Variants in SLC14A2 observed in about 807,000 individuals in gnomAD.
SLC14A2 encodes solute carrier family 14 member 2, also known as urea transporter 2.
In SLC14A2, 91 loss-of-function variants were observed where a neutral mutation model predicts 104.6. The observed-to-expected ratio is 0.87, with a 90% CI of 0.73 to 1.04. SLC14A2 has a LOEUF of 1.04. Among genes scored for constraint, SLC14A2 ranks in the 50% least tolerant of loss-of-function variants. The pLI is 0.00. For synonymous variants in SLC14A2, 476 were observed against 466.4 expected (o/e 1.02, Z -0.27); for missense variants, 1,189 against 1,156.0 (o/e 1.03, Z -0.41).
At chr18:45,376,214 C>T (rs932953973) in intron 1 of SLC14A2, among the ~76,000 whole-genome samples, 3 of 152,270 alleles carry the variant, frequency 2.0e-5, no homozygotes, top group Admixed American at 6.5e-5. Context: ...TTGTGCACGC[C>T]GCCACTTTAC....
At chr18:45,248,290 T>A (rs1346131859) in intron 1 of SLC14A2, among the ~76,000 whole-genome samples, 1 of 152,118 alleles carries the variant, frequency 6.6e-6, no homozygotes, top group African/African-American at 2.4e-5. Context: ...CATTTTATCG[T>A]CCCATAGCAA....
intron 2 of SLC14A2, among the ~76,000 whole-genome samples, chr18:45,508,965 C>T (rs1326665194): frequency 6.6e-6 from 1 of 152,116 alleles, no homozygotes; most frequent in Non-Finnish European, 1.5e-5. Context: ...ATGCCAGCAT[C>T]CCCCAAACCT....
rs1242904317 is a variant in SLC14A2 at position 45,575,820 on chromosome 18, C to CTTG, written c.-34-48807_-34-48805dup. ...TTTTTTTTTCTTCCCACTTTTTTTT[C>CTTG]TTGTTGGCCATGCTGGGCTCTGAAT... On this transcript the variant is annotated intron_variant, in intron 2 of 20. Coordinates refer to the SLC14A2 transcript ENST00000586448. Among the ~76,000 whole-genome samples, 5 of 103,568 alleles carry CTTG rather than the reference C, an allele frequency of 4.8e-5. No individual in the cohort carries two copies. In the East Asian group the frequency reaches 1.3e-3, roughly 28 times the overall value. The allele number at this position is 103,568 out of a possible 152,430, so 67.9% of individuals were successfully genotyped here. A position where few individuals can be genotyped will look rare whatever the true frequency, so the allele number is the denominator to read the frequency against.
intron 10 of SLC14A2, among the ~76,000 whole-genome samples, chr18:45,660,790 A>C (rs1023762469): frequency 1.3e-5 from 2 of 152,226 alleles, no homozygotes; most frequent in African/African-American, 4.8e-5. Flanking sequence ...ATCTTCTTGA[A>C]AGTGTCTTTA....
intron 2 of SLC14A2, among the ~76,000 whole-genome samples, chr18:45,555,892 C>A (rs1039911116): frequency 2.6e-5 from 4 of 152,208 alleles, no homozygotes; most frequent in African/African-American, 9.6e-5. Flanking sequence ...ACTGCCTGCC[C>A]AATTCCACAT....
intron 1 of SLC14A2, among the ~76,000 whole-genome samples, chr18:45,317,566 G>A (rs1215990568): frequency 6.6e-6 from 1 of 152,206 alleles, no homozygotes; most frequent in East Asian, 1.9e-4. Context: ...TTTTAGCTAA[G>A]ATTTGAAAGA....
intron 2 of SLC14A2, among the ~76,000 whole-genome samples, chr18:45,606,566 T>C (rs1033495657): frequency 6.6e-6 from 1 of 152,046 alleles, no homozygotes; most frequent in African/African-American, 2.4e-5. Context: ...CTGTAGTTAC[T>C]GCTTCTCAAA....
At chr18:45,182,220 T>C in the SLC14A2 span, among the ~76,000 whole-genome samples, 1 of 151,904 alleles carries the variant, frequency 6.6e-6, no homozygotes, top group Non-Finnish European at 1.5e-5. Context: ...CTTTTAAAAA[T>C]AATATTTGGT....
chr18:45,680,073 G>A (rs2046289651), intron 19 of SLC14A2, among the ~76,000 whole-genome samples: 2 of 152,320 alleles, frequency 1.3e-5, no homozygotes, highest in South Asian at 4.1e-4. Flanking sequence ...CTCTATGACA[G>A]GGTGTTTTAG....
intron 1 of SLC14A2, among the ~76,000 whole-genome samples, chr18:45,218,876 T>C (rs181044012): frequency 5.4e-4 from 82 of 150,922 alleles, no homozygotes; most frequent in Non-Finnish European, 1.2e-3. Context: ...GCACTAAATC[T>C]CTGAGAAGTC....
At chr18:45,277,416 T>A (rs577770124) in intron 1 of SLC14A2, among the ~76,000 whole-genome samples, 6 of 152,168 alleles carry the variant, frequency 3.9e-5, no homozygotes, top group Non-Finnish European at 8.8e-5. Flanking sequence ...GTAGTTAGTT[T>A]TTCTTTTTTT....
intron 2 of SLC14A2, among the ~76,000 whole-genome samples, chr18:45,553,695 G>A (rs540337409): frequency 9.9e-5 from 15 of 152,214 alleles, no homozygotes; most frequent in Middle Eastern, 3.4e-3. Flanking sequence ...GACCTTCAAC[G>A]CTTAACCCCA....
chr18:45,571,927 G>C (rs1473082009), intron 2 of SLC14A2, among the ~76,000 whole-genome samples: 1 of 152,212 alleles, frequency 6.6e-6, no homozygotes, highest in Non-Finnish European at 1.5e-5. Flanking sequence ...TCCAGGGGCA[G>C]TGGTTCACTC....
chr18:45,513,751 A>T (rs551909914), intron 2 of SLC14A2, among the ~76,000 whole-genome samples: 1 of 152,214 alleles, frequency 6.6e-6, no homozygotes, highest in African/African-American at 2.4e-5. Flanking sequence ...ACACAAAGAC[A>T]TATCTCTGGG....
the SLC14A2 span, among the ~76,000 whole-genome samples, chr18:45,170,202 G>A: frequency 2.0e-5 from 3 of 151,630 alleles, no homozygotes; most frequent in Admixed American, 1.3e-4. Context: ...TTCATAGTTA[G>A]ACCAGATTCC....
intron 1 of SLC14A2, among the ~76,000 whole-genome samples, chr18:45,410,847 T>G (rs982133390): frequency 6.6e-6 from 1 of 152,228 alleles, no homozygotes; most frequent in Admixed American, 6.5e-5. Context: ...AACCTCCCAG[T>G]GCCCTTTCTC....
chr18:45,326,317 T>C (rs1404121161), intron 1 of SLC14A2, among the ~76,000 whole-genome samples: 2 of 152,202 alleles, frequency 1.3e-5, no homozygotes, highest in Non-Finnish European at 2.9e-5. Flanking sequence ...GCTAGGATCC[T>C]CATAAATGAT....
Position 45,258,428 on chromosome 18 carries a change from A to G in SLC14A2, c.-125+45237A>G, listed in dbSNP as rs754319727. On this transcript the variant is annotated intron_variant, in intron 1 of 20. Transcript: ENST00000586448. Reference sequence around the variant, plus strand: ...TCAATATTATTATTTCCTATCTGAAATATTTAAACCTCTGAAATCTTAGAA... The same window carrying G: ...TCAATATTATTATTTCCTATCTGAAGTATTTAAACCTCTGAAATCTTAGAA... 7.7e-5 allele frequency among the ~76,000 whole-genome samples: 11 copies of G among 143,060 alleles called. 1 individual carries two copies. The highest frequency in any genetic ancestry group is 1.5e-4 in the Non-Finnish European group (10 of 65,766). 93.9% of individuals were successfully genotyped at this position (143,060 alleles called of 152,430 possible).
At chr18:45,403,755 C>T (rs1670492771) in intron 1 of SLC14A2, among the ~76,000 whole-genome samples, 1 of 46,020 alleles carries the variant, frequency 2.2e-5, no homozygotes, top group Admixed American at 2.6e-4. Context: ...ACAATTTAAT[C>T]AGTGATGAAT....
Sources: allele counts gnomAD v4.1 joint callset (sites outside exome capture counted in the v4.1 genomes callset), GRCh38; gene constraint gnomAD v4.1.1; transcripts MANE v1.5; gene names NCBI Gene and HGNC (gene_info 2026-07-23, HGNC 2026-07-21).